TDRD12: variants seen among roughly 807,000 people sequenced by gnomAD.
TDRD12 encodes the protein tudor domain containing 12.
Under a neutral mutation model 133.5 loss-of-function variants are expected in TDRD12, and 158 were observed. The observed-to-expected ratio is 1.18, with a 90% CI of 1.04 to 1.35. The LOEUF is 1.35. Among genes scored for constraint, TDRD12 ranks in the 40% most tolerant of loss-of-function variants. The pLI is 0.00. For synonymous variants in TDRD12, 460 were observed against 477.9 expected, an observed-to-expected ratio of 0.96 and a Z score of 0.49; for missense variants, 1,443 against 1,321.3, an observed-to-expected ratio of 1.09 and a Z score of -1.43.
chr19:32,735,116 A>G (rs551045100), intron 2 of TDRD12, among the ~76,000 whole-genome samples: 12 of 152,222 alleles, frequency 7.9e-5, no homozygotes, highest in Non-Finnish European at 1.3e-4. Context: ...ATCACATTAA[A>G]TTAAAAGCTA....
rs1388026105 is a variant in TDRD12 at position 32,793,172 on chromosome 19, G to A, written c.1288-1456G>A. ...CTGCACTCCAGCCTGGGCACAGAAC[G>A]AGACTCTGTCTACAATAATAATAAT... On this transcript the variant is annotated intron_variant, in intron 13 of 27. Coordinates refer to ENST00000444215, the Ensembl canonical transcript of TDRD12. 3.5e-5 allele frequency among the ~76,000 whole-genome samples: 5 copies of A among 143,084 alleles called. No homozygotes were observed. In the South Asian group the frequency reaches 1.1e-3, roughly 32 times the overall value. The allele number at this position is 143,084 out of a possible 152,430, so 93.9% of individuals were successfully genotyped here.
intron 11 of TDRD12, among the ~76,000 whole-genome samples, chr19:32,782,025 T>C (rs1391603810): frequency 1.3e-5 from 2 of 152,176 alleles, no homozygotes; most frequent in Non-Finnish European, 2.9e-5. Flanking sequence ...TGTGCAGTTT[T>C]GTTACATAAG....
chr19:32,803,030 G>C, exon 21 of TDRD12: 11 of 1,536,004 alleles, frequency 7.2e-6, no homozygotes, highest in African/African-American at 1.4e-5. Flanking sequence ...GCGAGCGGAC[G>C]CCAAGGTCCC....
rs115762111 is a variant in TDRD12, at chr19:32,753,230, G to A, written c.583-2762G>A. On this transcript the variant is annotated intron_variant, in intron 6 of 27. Transcript: ENST00000444215. ...TAGGTCCTCTCAGCAGAAAATATTA[G>A]GAAATATATGTATGTACTTGCTCCC... 3.1e-3 allele frequency among the ~76,000 whole-genome samples: 475 copies of A among 152,230 alleles called. 3 individuals carry two copies. The highest frequency in any genetic ancestry group is 0.011 in the African/African-American group (437 of 41,528).
chr19:32,752,340 G>A (rs564215117), intron 6 of TDRD12, among the ~76,000 whole-genome samples: 24 of 151,904 alleles, frequency 1.6e-4, no homozygotes, highest in South Asian at 2.1e-4. Flanking sequence ...CCACCACACC[G>A]GCTAATTTTT....
At chr19:32,779,275 A>G (rs1428179516) in intron 11 of TDRD12, among the ~76,000 whole-genome samples, 1 of 152,180 alleles carries the variant, frequency 6.6e-6, no homozygotes, top group Non-Finnish European at 1.5e-5. Flanking sequence ...GTGTCCCACT[A>G]GCCTCCTCTG....
rs1347216581 is a variant in TDRD12 at position 32,793,791 on chromosome 19, ATCTT to A, written c.1288-835_1288-832del. Among the ~76,000 whole-genome samples the A allele has an allele frequency of 2.8e-5, 3 of 107,752 alleles. No homozygotes were observed. In the South Asian group the frequency reaches 8.8e-4, roughly 32 times the overall value. The allele number at this position is 107,752 out of a possible 152,430, so 70.7% of individuals were successfully genotyped here. A position where few individuals can be genotyped will look rare whatever the true frequency, so the allele number is the denominator to read the frequency against. The stretch of plus-strand genomic sequence containing the variant: ...TTTAATTTAGAAAATTAAAGCAAGA[ATCTT>A]TTTTTTTTTTTTTTTTGAGTCGGAG... On this transcript the variant is annotated intron_variant, in intron 13 of 27. Coordinates refer to ENST00000444215, the Ensembl canonical transcript of TDRD12.
intron 12 of TDRD12, 143 bp from the exon 13 acceptor site, chr19:32,790,821 T>C: frequency 6.9e-7 from 1 of 1,457,700 alleles, no homozygotes; most frequent in Non-Finnish European, 9.1e-7. Context: ...TTGGTGGTTT[T>C]TTTTTTCTTT....
chr19:32,765,811 G>A (rs925379082), intron 8 of TDRD12, among the ~76,000 whole-genome samples: 5 of 150,824 alleles, frequency 3.3e-5, no homozygotes, highest in African/African-American at 1.2e-4. Context: ...AATGGGTGCA[G>A]CACACCAACA....
chr19:32,798,908 G>A (rs553337173), intron 16 of TDRD12, among the ~76,000 whole-genome samples: 12 of 152,332 alleles, frequency 7.9e-5, no homozygotes, highest in African/African-American at 1.4e-4. Context: ...GCGCAGCAGC[G>A]TAAGGGCCAC....
chr19:32,787,663 C>A (rs1970947597), intron 11 of TDRD12, among the ~76,000 whole-genome samples: 1 of 152,204 alleles, frequency 6.6e-6, no homozygotes, highest in Non-Finnish European at 1.5e-5. Context: ...CACCCCTCCC[C>A]ACACCAAGCT....
intron 8 of TDRD12, among the ~76,000 whole-genome samples, chr19:32,766,694 A>C (rs1018057489): frequency 2.0e-5 from 3 of 151,064 alleles, no homozygotes; most frequent in Non-Finnish European, 4.4e-5. Flanking sequence ...GGCTCACTAC[A>C]CCCTCTGCCT....
chr19:32,793,608 A>G (rs1164599481), intron 13 of TDRD12, among the ~76,000 whole-genome samples: 6 of 152,114 alleles, frequency 3.9e-5, no homozygotes, highest in Non-Finnish European at 1.5e-5. Flanking sequence ...TTTTAGTGAC[A>G]GTTACATAGA....
intron 14 of TDRD12, chr19:32,796,060 AAG>A (rs1971215855): frequency 4.8e-6 from 3 of 630,926 alleles, no homozygotes; most frequent in Admixed American, 6.3e-5. Flanking sequence ...GGTGGTGGGA[AAG>A]AGAGGAGCGG....
At chr19:32,781,687 T>TTC (rs35069423) in intron 11 of TDRD12, among the ~76,000 whole-genome samples, 23,196 of 148,220 alleles carry the variant, frequency 0.16, 1,818 homozygotes, top group East Asian at 0.29. Flanking sequence ...TCCTTTCCTT[T>TTC]TCTCTCTCTC....
intron 1 of TDRD12, among the ~76,000 whole-genome samples, chr19:32,722,290 T>G (rs1968708363): frequency 6.6e-6 from 1 of 152,156 alleles, no homozygotes; most frequent in Non-Finnish European, 1.5e-5. Context: ...GGCAGAACTT[T>G]GATAGCAGGA....
At chr19:32,729,770 T>C (rs1599827996) in intron 1 of TDRD12, among the ~76,000 whole-genome samples, 1 of 144,424 alleles carries the variant, frequency 6.9e-6, no homozygotes. Flanking sequence ...TGACTACTTT[T>C]TCTTTTTCTT....
intron 21 of TDRD12, among the ~76,000 whole-genome samples, chr19:32,805,837 T>C (rs1971532862): frequency 6.7e-6 from 1 of 149,664 alleles, no homozygotes; most frequent in Non-Finnish European, 1.5e-5. Flanking sequence ...GTTCAAACAA[T>C]TCTCCTGCCT....
chr19:32,773,905 G>C (rs1315949606), intron 10 of TDRD12, among the ~76,000 whole-genome samples: 1 of 152,216 alleles, frequency 6.6e-6, no homozygotes, highest in African/African-American at 2.4e-5. Flanking sequence ...AGTGGCCCTA[G>C]AGTCTGTCTC....
Sources: gnomAD v4.1 joint callset for allele counts (sites outside exome capture counted in the v4.1 genomes callset) on GRCh38, gnomAD v4.1.1 for gene constraint, MANE v1.5 for transcripts, NCBI Gene and HGNC (gene_info 2026-07-23, HGNC 2026-07-21) for gene names.